KCNJ1: variants seen among roughly 807,000 people sequenced by gnomAD.
The protein encoded by KCNJ1 is ATP-sensitive inward rectifier potassium channel 1.
KCNJ1 carries 24 observed loss-of-function variants against 21.9 expected under a neutral mutation model. That is an observed-to-expected ratio of 1.10 (90% CI 0.79 to 1.54). KCNJ1 has a LOEUF of 1.54. KCNJ1 is among the 40% of genes most tolerant of loss of function. KCNJ1 has a pLI of 0.00. For synonymous variants in KCNJ1, 152 were observed against 160.9 expected (o/e 0.94, Z 0.42); for missense variants, 457 against 455.4 (o/e 1.00, Z -0.03).
Position 128,850,733 on chromosome 11 carries a change from A to G in KCNJ1, c.-34T>C, listed in dbSNP as rs1324492053. On this transcript the variant is annotated 5_prime_UTR_variant, in exon 2 of 3. Transcript: ENST00000392666. Reference sequence around the variant, plus strand: ...TCAAGCCACTCACCTCTGTCAGAAGAGGTTCAGGAGATGATTTTCAAAACT... The same window carrying G: ...TCAAGCCACTCACCTCTGTCAGAAGGGGTTCAGGAGATGATTTTCAAAACT... 1.1e-5 allele frequency: 11 copies of G among 985,152 alleles called. No individual in the cohort carries two copies. The highest frequency in any genetic ancestry group is 1.3e-5 in the Non-Finnish European group (11 of 829,798). 61.0% of individuals were successfully genotyped at this position (985,152 alleles called of 1,614,324 possible). A position where few individuals can be genotyped will look rare whatever the true frequency, so the allele number is the denominator to read the frequency against.
At chr11:128,853,485 C>T (rs1040210799) in intron 1 of KCNJ1, among the ~76,000 whole-genome samples, 18 of 152,318 alleles carry the variant, frequency 1.2e-4, no homozygotes, top group African/African-American at 3.8e-4. Flanking sequence ...AGACTGGTGG[C>T]TGCCAGGGGC....
chr11:128,841,754 C>G (rs1943285328), intron 2 of KCNJ1, among the ~76,000 whole-genome samples: 1 of 152,078 alleles, frequency 6.6e-6, no homozygotes, highest in Non-Finnish European at 1.5e-5. Flanking sequence ...AACGCCAAGT[C>G]GAAGCGGTGA....
intron 1 of KCNJ1, among the ~76,000 whole-genome samples, chr11:128,861,431 C>T (rs1244291827): frequency 1.3e-5 from 2 of 152,198 alleles, no homozygotes; most frequent in Non-Finnish European, 2.9e-5. Flanking sequence ...AAGATGTGAG[C>T]AGCAGGGCTA....
In KCNJ1 at chr11:128,838,531, T is replaced by G. The variant is rs934696591; in HGVS notation, c.*594A>C. The G allele has an allele frequency of 1.9e-5, 3 of 154,108 alleles. No individual in the cohort carries two copies. The highest frequency in any genetic ancestry group is 7.2e-5 in the African/African-American group (3 of 41,464). 9.5% of individuals were successfully genotyped at this position (154,108 alleles called of 1,614,324 possible). ...AAGCATTCTGTCTTGCAGGAAGGTATCATCAAGATTCTAGTGTGCAGATTT... is the reference window on the plus strand; with the variant it reads ...AAGCATTCTGTCTTGCAGGAAGGTAGCATCAAGATTCTAGTGTGCAGATTT... On this transcript the variant is annotated 3_prime_UTR_variant, in exon 3 of 3. Coordinates refer to ENST00000392666, the MANE Select transcript of KCNJ1 (RefSeq NM_153766.3).
At chr11:128,845,795 G>A (rs1943369647) in intron 2 of KCNJ1, among the ~76,000 whole-genome samples, 1 of 152,206 alleles carries the variant, frequency 6.6e-6, no homozygotes, top group African/African-American at 2.4e-5. Flanking sequence ...ATGCACTTCA[G>A]GAATACCCTA....
At position 128,850,786 on chromosome 11, in the gene KCNJ1, C is replaced by T. The variant is rs1943467158; in HGVS notation, c.-87G>A. Reference sequence around the variant, plus strand: ...ATGTATAAGTAGATCTTGGGGTGACCAGCAAGAGCTGCTTGGTTTGGGATT... The same window carrying T: ...ATGTATAAGTAGATCTTGGGGTGACTAGCAAGAGCTGCTTGGTTTGGGATT... On this transcript the variant is annotated 5_prime_UTR_variant, in exon 2 of 3. An upstream open reading frame in the 5' UTR gains an earlier in-frame stop. Transcript: ENST00000392666. 3.0e-6 allele frequency: 3 copies of T among 985,268 alleles called. No homozygotes were observed. The highest frequency in any genetic ancestry group is 6.2e-5 in the Admixed American group (1 of 16,260). 61.0% of individuals were successfully genotyped at this position (985,268 alleles called of 1,614,324 possible). A position where few individuals can be genotyped will look rare whatever the true frequency, so the allele number is the denominator to read the frequency against.
At chr11:128,850,682 G>A in intron 2 of KCNJ1, 39 bp downstream of exon 2, 19 of 934,248 alleles carry the variant, frequency 2.0e-5, no homozygotes, top group Non-Finnish European at 2.4e-5. Context: ...TGTAGCCTGG[G>A]GTGTCCAATA....
At chr11:128,842,268 A>G (rs1286559238) in intron 2 of KCNJ1, 2 of 1,158,128 alleles carry the variant, frequency 1.7e-6, no homozygotes, top group Non-Finnish European at 1.3e-6. Context: ...TGTAGAGTGA[A>G]GAAGTACCCC....
At chr11:128,857,304 T>G (rs1302726366) in intron 1 of KCNJ1, among the ~76,000 whole-genome samples, 3 of 152,222 alleles carry the variant, frequency 2.0e-5, no homozygotes, top group Non-Finnish European at 2.9e-5. Context: ...TGTCTTGGCT[T>G]CTTTCCATCT....
chr11:128,842,267 A>G (rs1486967111), intron 2 of KCNJ1: 2 of 1,154,854 alleles, frequency 1.7e-6, no homozygotes, highest in Non-Finnish European at 2.6e-6. Flanking sequence ...CTGTAGAGTG[A>G]AGAAGTACCC....
intron 1 of KCNJ1, among the ~76,000 whole-genome samples, chr11:128,866,133 T>C (rs1401778268): frequency 6.6e-6 from 1 of 151,988 alleles, no homozygotes; most frequent in Non-Finnish European, 1.5e-5. Flanking sequence ...CAGTGTAGAG[T>C]AAGACAACAC....
At chr11:128,842,967 T>C (rs1943313509) in intron 2 of KCNJ1, among the ~76,000 whole-genome samples, 1 of 152,214 alleles carries the variant, frequency 6.6e-6, no homozygotes, top group South Asian at 2.1e-4. Flanking sequence ...ACCATGTTAA[T>C]CTCTCCATAC....
At position 128,838,560 on chromosome 11, in the gene KCNJ1, C is replaced by T. The variant is rs1201738745; in HGVS notation, c.*565G>A. ...CAAGATTCTAGTGTGCAGATTTAGC[C>T]TCTGTCTAAACGTACCACATGAGAA... On this transcript the variant is annotated 3_prime_UTR_variant, in exon 3 of 3. Coordinates refer to ENST00000392666, the MANE Select transcript of KCNJ1 (RefSeq NM_153766.3). 1 of 155,368 alleles carries T rather than the reference C, an allele frequency of 6.4e-6. No individual in the cohort carries two copies. The highest frequency in any genetic ancestry group is 1.4e-5 in the Non-Finnish European group (1 of 70,300). 9.6% of individuals were successfully genotyped at this position (155,368 alleles called of 1,614,324 possible).
chr11:128,853,472 G>C (rs1457360002), intron 1 of KCNJ1, among the ~76,000 whole-genome samples: 1 of 152,234 alleles, frequency 6.6e-6, no homozygotes. Context: ...GAGAAAGAGA[G>C]TTAGACTGGT....
rs375818126 is a variant in KCNJ1 at position 128,858,489 on chromosome 11, G to A, written c.-191-7599C>T. ...TGGAGGAATGAATGAAAAATGGGAAGGGCACATACTTTTCAGAGTTATTTG... is the reference window on the plus strand; with the variant it reads ...TGGAGGAATGAATGAAAAATGGGAAAGGCACATACTTTTCAGAGTTATTTG... On this transcript the variant is annotated intron_variant, in intron 1 of 2. Coordinates refer to ENST00000392666, the MANE Select transcript of KCNJ1 (RefSeq NM_153766.3). Among the ~76,000 whole-genome samples the A allele has an allele frequency of 7.7e-4, 117 of 152,192 alleles. 1 individual carries two copies. The highest frequency in any genetic ancestry group is 2.7e-3 in the African/African-American group (111 of 41,518).
chr11:128,849,176 T>C (rs529065118), intron 2 of KCNJ1, among the ~76,000 whole-genome samples: 2 of 152,322 alleles, frequency 1.3e-5, no homozygotes, highest in African/African-American at 4.8e-5. Flanking sequence ...TCAGAGAAGT[T>C]AAGCAACTTA....
chr11:128,863,115 G>T (rs1475377324), intron 1 of KCNJ1, among the ~76,000 whole-genome samples: 1 of 152,160 alleles, frequency 6.6e-6, no homozygotes, highest in African/African-American at 2.4e-5. Context: ...AGAGAACTTG[G>T]GCTGTTTTAA....
At position 128,838,980 on chromosome 11, in the gene KCNJ1, A is replaced by G. The variant is rs1943216497; in HGVS notation, c.*145T>C. The G allele has an allele frequency of 7.1e-6, 5 of 700,950 alleles. No individual in the cohort carries two copies. The highest frequency in any genetic ancestry group is 3.3e-5 in the South Asian group (2 of 59,708). The allele number at this position is 700,950 out of a possible 1,614,324, so 43.4% of individuals were successfully genotyped here. ...GAGATGCATGTCTTGTGGGATCACA[A>G]TTGCGGGGCTCAGGGGTCTTTGTGC... On this transcript the variant is annotated 3_prime_UTR_variant, in exon 3 of 3. Transcript: ENST00000392666.
chr11:128,840,055 G>T lies in KCNJ1; in HGVS notation c.189C>A (p.Thr63=), dbSNP rs756097105. Residue 63 remains threonine, a synonymous_variant, in exon 3 of 3, where the codon ACC becomes ACA. Transcript: ENST00000392666. ...VLDLKWRYKM[T]IFITAFLGSW... ...TCCCCAAGAAGGCTGTGATGAAAATGGTCATTTTGTATCTCCACTTGAGGT... is the reference window on the plus strand; with the variant it reads ...TCCCCAAGAAGGCTGTGATGAAAATTGTCATTTTGTATCTCCACTTGAGGT... 1.9e-6 allele frequency: 3 copies of T among 1,614,012 alleles called. No individual in the cohort carries two copies. The African/African-American group carries it at 4.0e-5, about 22-fold the overall frequency.
Sources: gnomAD v4.1 joint callset for allele counts (sites outside exome capture counted in the v4.1 genomes callset) on GRCh38, gnomAD v4.1.1 for gene constraint, MANE v1.5 for transcripts, NCBI Gene and HGNC (gene_info 2026-07-23, HGNC 2026-07-21) for gene names.